Variants in HERC5 observed in about 807,000 individuals in gnomAD.
HERC5 encodes E3 ISG15--protein ligase HERC5.
In HERC5, 99 loss-of-function variants were observed where a neutral mutation model predicts 119.6. The observed-to-expected ratio is 0.83, with a 90% CI of 0.70 to 0.98. The LOEUF (loss-of-function observed/expected upper bound fraction) is 0.98, where lower values mean the gene tolerates loss of function less well. Ranked by LOEUF, HERC5 falls within the 50% of genes least tolerant of loss-of-function variation. HERC5 has a pLI of 0.00. For synonymous variants in HERC5, 478 were observed against 445.9 expected (o/e 1.07, Z -0.91); for missense variants, 1,267 against 1,241.3 (o/e 1.02, Z -0.31).
chr4:88,504,360 A>T lies in HERC5; in HGVS notation c.2711A>T (p.Glu904Val). The change falls in exon 21 of 23, where the codon GAA becomes GTA. Residue 904 changes from glutamate (E) to valine (V), a missense_variant. By Grantham distance (121) the Glu-to-Val change is moderately radical. Around this residue, in one of 3 missense-constraint regions of HERC5, gnomAD observed 473 missense variants for 445.7 expected, o/e 1.06. Coordinates refer to ENST00000264350, the MANE Select transcript of HERC5 (RefSeq NM_016323.4). ...EDIIKLFHPE[E>V]LKDVIVGNTD... ...ATTATCAAATTATTCCACCCCGAAG[A>T]ACTGAAGGATGTGATTGTTGGAAAT... is the stretch of plus-strand genomic sequence containing the variant. 5 of 1,612,590 alleles carry T rather than the reference A, an allele frequency of 3.1e-6. No individual in the cohort carries two copies. Among genetic ancestry groups the T allele is most frequent in the Non-Finnish European group, 4.2e-6 (5 of 1,178,966 alleles).
At chr4:88,457,814 C>T (rs1740230059) in intron 1 of HERC5, 1 of 768,320 alleles carries the variant, frequency 1.3e-6, no homozygotes, top group Non-Finnish European at 1.7e-6. Context: ...TCCTTTTAGC[C>T]AGTCTGGCTT....
At chr4:88,462,092 A>G in intron 3 of HERC5, 43 bp from the exon 4 acceptor site, 1 of 1,534,132 alleles carries the variant, frequency 6.5e-7, no homozygotes, top group Non-Finnish European at 8.9e-7. Context: ...TGTCTGCTGC[A>G]TTTTAAATGG....
intron 6 of HERC5, among the ~76,000 whole-genome samples, chr4:88,466,532 C>G (rs767307325): frequency 5.3e-5 from 8 of 152,216 alleles, no homozygotes; most frequent in Non-Finnish European, 1.2e-4. Flanking sequence ...AATAAAGACT[C>G]TCCTCTATCA....
intron 12 of HERC5, among the ~76,000 whole-genome samples, chr4:88,476,561 C>T (rs1741072343): frequency 2.0e-5 from 3 of 152,136 alleles, no homozygotes; most frequent in African/African-American, 7.2e-5. Flanking sequence ...TTTATTTTTA[C>T]TGAACTATTT....
At chr4:88,467,499 C>T (rs1740713294) in intron 7 of HERC5, among the ~76,000 whole-genome samples, 1 of 152,208 alleles carries the variant, frequency 6.6e-6, no homozygotes, top group African/African-American at 2.4e-5. Context: ...CTTACTAATT[C>T]TTGTAATTAG....
At chr4:88,458,284 G>T (rs1022382227) in intron 1 of HERC5, among the ~76,000 whole-genome samples, 2 of 151,966 alleles carry the variant, frequency 1.3e-5, no homozygotes, top group Admixed American at 1.3e-4. Flanking sequence ...TTTTTGGGGG[G>T]TAGTCTGTCA....
At chr4:88,486,400 C>T (rs1741467672) in intron 14 of HERC5, among the ~76,000 whole-genome samples, 172 bp downstream of exon 14, 3 of 152,052 alleles carry the variant, frequency 2.0e-5, no homozygotes, top group Admixed American at 2.0e-4. Context: ...GTGATTGGCA[C>T]CTTGGGAGAT....
intron 14 of HERC5, among the ~76,000 whole-genome samples, chr4:88,486,699 A>G (rs150937365): frequency 6.6e-6 from 1 of 152,240 alleles, no homozygotes; most frequent in East Asian, 1.9e-4. Context: ...TAGCACATCA[A>G]GTCTTGCCCA....
At chr4:88,490,959 T>C (rs1013544194) in intron 16 of HERC5, among the ~76,000 whole-genome samples, 8 of 152,234 alleles carry the variant, frequency 5.3e-5, no homozygotes, top group African/African-American at 1.7e-4. Flanking sequence ...TGCCAGTCAG[T>C]CTACTCGATT....
chr4:88,497,386 C>T (rs1741829297), intron 18 of HERC5, among the ~76,000 whole-genome samples: 1 of 152,104 alleles, frequency 6.6e-6, no homozygotes, highest in South Asian at 2.1e-4. Context: ...ACAATAAAGG[C>T]AATTCTGATG....
In HERC5 at chr4:88,505,657, T is replaced by A; in HGVS notation, c.2870-16T>A. The A allele has an allele frequency of 6.9e-7, 1 of 1,440,444 alleles. No homozygotes were observed. Among genetic ancestry groups the A allele is most frequent in the Non-Finnish European group, 9.6e-7 (1 of 1,038,126 alleles). The allele number at this position is 1,440,444 out of a possible 1,614,324, so 89.2% of individuals were successfully genotyped here. A position where few individuals can be genotyped will look rare whatever the true frequency, so the allele number is the denominator to read the frequency against. On this transcript the variant is annotated splice_polypyrimidine_tract_variant and intron_variant, in intron 22 of 22. Transcript: ENST00000264350. ...TCCATGTAAAACAGATTGCCTAATT[T>A]TATTCTTCTTTTTAGTATTTCTTAC...
intron 14 of HERC5, 44 bp from the exon 15 acceptor site, chr4:88,487,025 T>C (rs760703522): frequency 7.4e-7 from 1 of 1,357,960 alleles, no homozygotes; most frequent in Non-Finnish European, 1.0e-6. Context: ...GTAAGGTTTC[T>C]CTGTCCTTTA....
Position 88,463,632 on chromosome 4 carries a change from A to G in HERC5, c.780+9A>G. 1 of 1,605,116 alleles carries G rather than the reference A, an allele frequency of 6.2e-7. No individual in the cohort carries two copies. On this transcript the variant is annotated intron_variant, in intron 5 of 22. Transcript: ENST00000264350. Reference sequence around the variant, plus strand: ...GTGCCCTACTCACACAGGTGGGTGTACCCTTGTCTCTTTTTGGCTGTATTT... The same window carrying G: ...GTGCCCTACTCACACAGGTGGGTGTGCCCTTGTCTCTTTTTGGCTGTATTT...
chr4:88,462,153 G>A lies in HERC5; in HGVS notation c.485G>A (p.Trp162Ter). Residue 162 changes from tryptophan (W) to a stop codon, truncating the protein, a stop_gained, in exon 4 of 23, where the codon TGG becomes TAG. Transcript: ENST00000264350. LOFTEE classifies it high-confidence loss of function. ...ALSKGGELFA[W>*]GQNLHGQLGV... ...TGTCAAGGTGGTGAGCTTTTTGCCT[G>A]GGGACAGAACCTGCATGGGCAGCTT... 1 of 1,613,808 alleles carries A rather than the reference G, an allele frequency of 6.2e-7. No homozygotes were observed. The highest frequency in any genetic ancestry group is 8.5e-7 in the Non-Finnish European group (1 of 1,179,896).
At chr4:88,482,089 A>T (rs1386370003) in intron 13 of HERC5, among the ~76,000 whole-genome samples, 2 of 151,938 alleles carry the variant, frequency 1.3e-5, no homozygotes, top group Admixed American at 1.3e-4. Flanking sequence ...AGGCGGGCAG[A>T]TCACAAGGTT....
intron 1 of HERC5, among the ~76,000 whole-genome samples, chr4:88,458,398 T>G (rs909915990): frequency 2.7e-5 from 4 of 146,248 alleles, no homozygotes; most frequent in African/African-American, 7.5e-5. Flanking sequence ...AATTTTAAGG[T>G]TTTTTTTTTT....
rs377491497 is a variant in HERC5, at chr4:88,493,165, CTCT to C, written c.2277+15_2277+17del. 11,690 of 1,612,838 alleles carry C rather than the reference CTCT, an allele frequency of 7.2e-3. 54 individuals are homozygous for C. The highest frequency in any genetic ancestry group is 8.7e-3 in the Non-Finnish European group (10,246 of 1,179,354). On this transcript the variant is annotated intron_variant, in intron 17 of 22. Transcript: ENST00000264350. ...GTGGTTTCCTGTCAAGGTAAGTTCC[CTCT>C]TCTTTGCTTAAGGTATTTTGCGACA... is the stretch of plus-strand genomic sequence containing the variant.
intron 11 of HERC5, 98 bp from the exon 12 acceptor site, chr4:88,475,743 A>G (rs945208953): frequency 3.0e-6 from 3 of 985,538 alleles, no homozygotes; most frequent in Non-Finnish European, 4.7e-6. Context: ...TAGTAGTAGA[A>G]TGACATTCCA....
At chr4:88,485,225 C>T (rs184278239) in intron 13 of HERC5, among the ~76,000 whole-genome samples, 217 of 152,258 alleles carry the variant, frequency 1.4e-3, no homozygotes, top group Middle Eastern at 0.01. Flanking sequence ...TGTCCTTTGA[C>T]CGTAATAGAT....
Sources: gnomAD v4.1 joint callset for allele counts (sites outside exome capture counted in the v4.1 genomes callset) on GRCh38, gnomAD v4.1.1 for gene constraint, gnomAD v4.1.1 regional missense constraint, MANE v1.5 for transcripts, NCBI Gene and HGNC (gene_info 2026-07-23, HGNC 2026-07-21) for gene names.